The following KIF9 variants were observed in gnomAD, a reference collection of about 807,000 sequenced individuals.
KIF9 encodes the protein kinesin-like protein KIF9.
Under a neutral mutation model 94.8 loss-of-function variants are expected in KIF9, and 68 were observed. The ratio of observed to expected loss-of-function variants is 0.72; its 90% CI spans 0.59 to 0.88. The LOEUF (loss-of-function observed/expected upper bound fraction) is 0.88. Ranked by LOEUF, KIF9 falls within the 40% of genes least tolerant of loss-of-function variation. The pLI is 0.00. For synonymous variants in KIF9, 343 were observed against 362.1 expected (o/e 0.95, Z 0.60); for missense variants, 882 against 982.5 (o/e 0.90, Z 1.37).
At chr3:47,233,533 C>CAA (rs61123180) in intron 20 of KIF9, among the ~76,000 whole-genome samples, 1 of 129,304 alleles carries the variant, frequency 7.7e-6, no homozygotes, top group African/African-American at 2.9e-5. Context: ...CCATCTCTAC[C>CAA]AAAAAAAAAA....
rs1355733055 is a variant in KIF9 at position 47,236,628 on chromosome 3, T to A, written c.1925-9A>T. Reference sequence around the variant, plus strand: ...CTTGTTTTCGTACTTGCCTGCAAGGTGATGGAAGAAGTCAGGAAATGAGGA... The same window carrying A: ...CTTGTTTTCGTACTTGCCTGCAAGGAGATGGAAGAAGTCAGGAAATGAGGA... On this transcript the variant is annotated splice_polypyrimidine_tract_variant and intron_variant, in intron 17 of 20. Coordinates refer to ENST00000684063, the MANE Select transcript of KIF9 (RefSeq NM_182902.4). 6.2e-7 allele frequency: 1 copy of A among 1,613,054 alleles called. No individual in the cohort carries two copies. The highest frequency in any genetic ancestry group is 1.1e-5 in the South Asian group (1 of 90,996).
rs1056052948 is a variant in KIF9, at chr3:47,240,921, T to A, written c.1804A>T (p.Ile602Phe). ...INRIFKENKS[I>F]LNERRKRASE... The stretch of plus-strand genomic sequence containing the variant: ...GCCCTTTTCCTCCGTTCATTCAAGA[T>A]GGATTTGTTTTCTTTGAAAATTCGG... Residue 602 changes from isoleucine to phenylalanine, a missense_variant, in exon 17 of 21, where the codon ATC becomes TTC. Ile to Phe is a conservative substitution (Grantham distance 21). Transcript: ENST00000684063. 6.2e-7 allele frequency: 1 copy of A among 1,614,202 alleles called. No homozygotes were observed. The highest frequency in any genetic ancestry group is 1.6e-4 in the Middle Eastern group (1 of 6,062).
intron 7 of KIF9, 169 bp from the exon 8 acceptor site, chr3:47,266,046 C>A: frequency 1.6e-6 from 1 of 627,878 alleles, no homozygotes; most frequent in Non-Finnish European, 2.7e-6. Context: ...CCATCTTGGG[C>A]TAATAATGGT....
At chr3:47,262,642 G>A (rs886436297) in intron 9 of KIF9, among the ~76,000 whole-genome samples, 9 of 152,144 alleles carry the variant, frequency 5.9e-5, no homozygotes, top group South Asian at 2.1e-4. Context: ...CTGCCTGCAC[G>A]TCAGCTGGAG....
At chr3:47,273,407 T>C (rs1222697457) in intron 4 of KIF9, 145 bp downstream of exon 4, 1 of 601,730 alleles carries the variant, frequency 1.7e-6, no homozygotes, top group Admixed American at 3.3e-5. Context: ...CAGAGCCCTG[T>C]GTATGTTGTC....
Position 47,239,083 on chromosome 3 carries a change from G to A in KIF9, c.1924+1718C>T, listed in dbSNP as rs564359173. The stretch of plus-strand genomic sequence containing the variant: ...CATGGTGGCGGGTATGCCTGTAATC[G>A]CAGCTACTTGGGAGGCTGAGGCAGC... On this transcript the variant is annotated intron_variant, in intron 17 of 20. Coordinates refer to ENST00000684063, the MANE Select transcript of KIF9 (RefSeq NM_182902.4). Among the ~76,000 whole-genome samples the A allele has an allele frequency of 1.3e-3, 198 of 152,246 alleles. 1 individual carries two copies. The highest frequency in any genetic ancestry group is 4.4e-3 in the African/African-American group (184 of 41,560).
chr3:47,257,360 T>G (rs1035328929), intron 10 of KIF9, 123 bp downstream of exon 10: 59 of 836,736 alleles, frequency 7.1e-5, no homozygotes, highest in Non-Finnish European at 1.1e-4. Flanking sequence ...GGAAAAGGGC[T>G]GACCCAGGGC....
At chr3:47,238,725 A>T (rs969240401) in intron 17 of KIF9, among the ~76,000 whole-genome samples, 1 of 151,912 alleles carries the variant, frequency 6.6e-6, no homozygotes, top group African/African-American at 2.4e-5. Context: ...CAGTGGCGCA[A>T]TCTCGACTCA....
At chr3:47,269,410 C>T (rs1701496577) in intron 5 of KIF9, among the ~76,000 whole-genome samples, 1 of 151,836 alleles carries the variant, frequency 6.6e-6, no homozygotes, top group Non-Finnish European at 1.5e-5. Context: ...GCTTCCCAAG[C>T]AGCTGGGACC....
At chr3:47,266,906 T>C (rs1701320773) in intron 7 of KIF9, 70 bp downstream of exon 7, 2 of 1,082,532 alleles carry the variant, frequency 1.8e-6, no homozygotes, top group East Asian at 4.7e-5. Context: ...ATGGCCCAGA[T>C]GTGCAGGCAC....
intron 18 of KIF9, 104 bp downstream of exon 18, chr3:47,236,339 T>C: frequency 1.5e-6 from 2 of 1,318,758 alleles, no homozygotes; most frequent in Admixed American, 4.0e-5. Flanking sequence ...AGCCCCTGGC[T>C]CTGCCAGAGA....
chr3:47,252,203 G>C (rs554380814), intron 10 of KIF9, among the ~76,000 whole-genome samples: 83 of 152,320 alleles, frequency 5.4e-4, no homozygotes, highest in African/African-American at 1.9e-3. Context: ...ATGCTTATCA[G>C]AAAGATTATA....
chr3:47,247,055 C>G (rs1053850466), intron 12 of KIF9, among the ~76,000 whole-genome samples: 1 of 152,212 alleles, frequency 6.6e-6, no homozygotes, highest in African/African-American at 2.4e-5. Context: ...TGCAGCAGCT[C>G]AGTTAATCCC....
intron 12 of KIF9, among the ~76,000 whole-genome samples, chr3:47,247,086 T>C (rs913676394): frequency 3.3e-5 from 5 of 152,080 alleles, no homozygotes; most frequent in Non-Finnish European, 7.4e-5. Context: ...CCCTCCCCAC[T>C]AGGCAGGTGA....
intron 10 of KIF9, among the ~76,000 whole-genome samples, chr3:47,249,101 A>G (rs147616477): frequency 1.3e-5 from 2 of 150,798 alleles, no homozygotes; most frequent in East Asian, 4.0e-4. Flanking sequence ...CAACCACTGC[A>G]TGAACATGTC....
At chr3:47,276,609 C>A (rs1052811662) in intron 2 of KIF9, among the ~76,000 whole-genome samples, 1 of 151,216 alleles carries the variant, frequency 6.6e-6, no homozygotes, top group African/African-American at 2.4e-5. Context: ...TCCACTCACA[C>A]ATTAAATGCT....
intron 20 of KIF9, 108 bp from the exon 21 acceptor site, chr3:47,228,810 A>G (rs1698340987): frequency 2.3e-6 from 2 of 858,960 alleles, no homozygotes; most frequent in East Asian, 2.4e-5. Flanking sequence ...TGCAAACATC[A>G]TGGGTTGTGG....
chr3:47,240,454 G>T (rs945662118), intron 17 of KIF9, among the ~76,000 whole-genome samples: 2 of 152,074 alleles, frequency 1.3e-5, no homozygotes, highest in South Asian at 4.1e-4. Flanking sequence ...AGAGACCCAC[G>T]GACCTTGTAG....
intron 4 of KIF9, among the ~76,000 whole-genome samples, chr3:47,271,761 AC>A (rs1701662171): frequency 6.6e-6 from 1 of 152,150 alleles, no homozygotes; most frequent in African/African-American, 2.4e-5. Flanking sequence ...AATTCCATCC[AC>A]ATATAAATCT....
Sources: gnomAD v4.1 joint callset for allele counts (sites outside exome capture counted in the v4.1 genomes callset) on GRCh38, gnomAD v4.1.1 for gene constraint, MANE v1.5 for transcripts, NCBI Gene and HGNC (gene_info 2026-07-23, HGNC 2026-07-21) for gene names.